Variants in FSIP2 observed in about 807,000 individuals in gnomAD.
FSIP2 encodes the protein fibrous sheath-interacting protein 2.
FSIP2 carries 367 observed loss-of-function variants against 510.5 expected under a neutral mutation model. The observed-to-expected ratio is 0.72, with a 90% CI of 0.66 to 0.78. FSIP2 has a LOEUF of 0.78. Ranked by LOEUF, FSIP2 falls within the 30% of genes least tolerant of loss-of-function variation. The pLI is 0.00. For synonymous variants in FSIP2, 2,601 were observed against 2,732.2 expected (o/e 0.95, Z 1.50); for missense variants, 7,594 against 7,901.7 (o/e 0.96, Z 1.48).
chr2:185,807,826 C>A lies in FSIP2; in HGVS notation c.18520C>A (p.Leu6174Met), dbSNP rs1693623737. The change falls in exon 17 of 23, where the codon CTG (leucine) becomes ATG (methionine). Residue 6174 changes from leucine (L) to methionine (M), a missense_variant. By Grantham distance (15) the Leu-to-Met change is conservative. Coordinates refer to ENST00000424728, the MANE Select transcript of FSIP2 (RefSeq NM_173651.4). ...ACCTAAACCTTCACATGCTGATAAG[C>A]TGTCTTATAACATAATAGAAGAAAT... ...PLPKPSHADKLSYNIIEEIAV... is the reference protein window; with the variant it reads ...PLPKPSHADKMSYNIIEEIAV... 1.2e-6 allele frequency: 2 copies of A among 1,612,296 alleles called. No individual in the cohort carries two copies. The highest frequency in any genetic ancestry group is 2.7e-5 in the African/African-American group (2 of 74,818).
Position 185,804,313 on chromosome 2 carries a change from G to T in FSIP2, c.15007G>T (p.Val5003Phe). The T allele has an allele frequency of 6.6e-7, 1 of 1,512,672 alleles. No homozygotes were observed. Among genetic ancestry groups the T allele is most frequent in the Non-Finnish European group, 8.8e-7 (1 of 1,138,194 alleles). The allele number at this position is 1,512,672 out of a possible 1,614,324, so 93.7% of individuals were successfully genotyped here. Residue 5003 changes from valine (V) to phenylalanine (F), a missense_variant, in exon 17 of 23, where the codon GTT (valine) becomes TTT (phenylalanine). Coordinates refer to ENST00000424728, the MANE Select transcript of FSIP2 (RefSeq NM_173651.4). ...GGAGTTCACCACATCAGAGATTTTA[G>T]TTGCAGATAACTTTGATAAAAATTT... ...VLEFTTSEIL[V>F]ADNFDKNLCF...
intron 6 of FSIP2, 87 bp downstream of exon 6, chr2:185,746,897 C>A (rs1386901413): frequency 6.6e-6 from 6 of 910,622 alleles, no homozygotes; most frequent in Non-Finnish European, 7.8e-6. Flanking sequence ...CATTGTGCTG[C>A]TTGAAGTCAT....
At chr2:185,811,415 G>T (rs982402153) in intron 17 of FSIP2, among the ~76,000 whole-genome samples, 1 of 148,784 alleles carries the variant, frequency 6.7e-6, no homozygotes, top group Non-Finnish European at 1.5e-5. Context: ...GTTGCAGTGA[G>T]CCAAGATCAT....
chr2:185,743,838 T>G (rs1691973336), intron 3 of FSIP2, among the ~76,000 whole-genome samples: 1 of 152,132 alleles, frequency 6.6e-6, no homozygotes, highest in Non-Finnish European at 1.5e-5. Context: ...TAAAGTAATA[T>G]GTATATATTT....
At chr2:185,814,546 T>C (rs988962442) in intron 18 of FSIP2, among the ~76,000 whole-genome samples, 1 of 152,050 alleles carries the variant, frequency 6.6e-6, no homozygotes, top group African/African-American at 2.4e-5. Flanking sequence ...AGTTAATTCA[T>C]ATATTTTAAA....
chr2:185,755,774 A>G (rs530342876), intron 8 of FSIP2, among the ~76,000 whole-genome samples: 1 of 151,600 alleles, frequency 6.6e-6, no homozygotes, highest in East Asian at 1.9e-4. Flanking sequence ...CAAAACTACA[A>G]TTACATTTAT....
At chr2:185,820,404 T>G (rs1693893632) in intron 19 of FSIP2, among the ~76,000 whole-genome samples, 1 of 151,876 alleles carries the variant, frequency 6.6e-6, no homozygotes, top group Admixed American at 6.6e-5. Context: ...CAGGCAGACC[T>G]TTATAGCAGC....
intron 17 of FSIP2, among the ~76,000 whole-genome samples, chr2:185,812,261 A>AC (rs1487568866): frequency 6.6e-6 from 1 of 152,110 alleles, no homozygotes; most frequent in East Asian, 1.9e-4. Context: ...TGTGGGACAT[A>AC]CAGTCTAAGG....
chr2:185,783,589 G>C (rs969967867), intron 14 of FSIP2: 10 of 152,082 alleles, frequency 6.6e-5, no homozygotes, highest in African/African-American at 2.4e-4. Context: ...ATATCAGTTT[G>C]TTTGACTTAT....
chr2:185,827,534 T>A (rs1203489984), intron 20 of FSIP2, among the ~76,000 whole-genome samples: 2 of 151,824 alleles, frequency 1.3e-5, no homozygotes, highest in Non-Finnish European at 2.9e-5. Flanking sequence ...TCCCTTGCAG[T>A]GGGTTCTTGT....
At chr2:185,755,904 C>T (rs1326666738) in intron 8 of FSIP2, among the ~76,000 whole-genome samples, 1 of 151,450 alleles carries the variant, frequency 6.6e-6, no homozygotes, top group Non-Finnish European at 1.5e-5. Context: ...TGTTATGCAC[C>T]CAGATGGAAA....
At position 185,796,906 on chromosome 2, in the gene FSIP2, C is replaced by T. The variant is rs746533024; in HGVS notation, c.9770C>T (p.Thr3257Ile). 80 of 1,534,738 alleles carry T rather than the reference C, an allele frequency of 5.2e-5. No homozygotes were observed. The highest frequency in any genetic ancestry group is 6.7e-5 in the Non-Finnish European group (77 of 1,146,204). The change falls in exon 16 of 23, where the codon ACC becomes ATC. Residue 3257 changes from threonine to isoleucine, a missense_variant. Coordinates refer to ENST00000424728, the MANE Select transcript of FSIP2 (RefSeq NM_173651.4). ...RESNFGSFDQ[T>I]MKGNSYLPEG... ...TCTAACTTTGGTAGTTTTGATCAGA[C>T]CATGAAAGGAAATAGCTACCTCCCT... is the stretch of plus-strand genomic sequence containing the variant.
intron 14 of FSIP2, chr2:185,783,872 G>C (rs1692907572): frequency 6.6e-6 from 1 of 152,062 alleles, no homozygotes; most frequent in South Asian, 2.1e-4. Flanking sequence ...AAAATCACTT[G>C]AATCTTTCAT....
At chr2:185,758,604 G>GT in intron 9 of FSIP2, among the ~76,000 whole-genome samples, 1 of 151,174 alleles carries the variant, frequency 6.6e-6, no homozygotes, top group Non-Finnish European at 1.5e-5. Context: ...TCTTCATGTT[G>GT]TAACACCTCT....
intron 20 of FSIP2, among the ~76,000 whole-genome samples, chr2:185,825,576 A>G (rs896228113): frequency 2.6e-5 from 4 of 151,860 alleles, no homozygotes; most frequent in African/African-American, 9.7e-5. Flanking sequence ...GTGACTCTAC[A>G]TAAAAACAAA....
intron 13 of FSIP2, among the ~76,000 whole-genome samples, chr2:185,772,984 C>T (rs560632597): frequency 6.6e-6 from 1 of 152,190 alleles, no homozygotes; most frequent in South Asian, 2.1e-4. Flanking sequence ...CCTCAGCTTC[C>T]CAAATAGCTG....
At chr2:185,774,593 T>TA (rs2105581461) in intron 13 of FSIP2, among the ~76,000 whole-genome samples, 1 of 142,068 alleles carries the variant, frequency 7.0e-6, no homozygotes, top group African/African-American at 2.6e-5. Context: ...TTTTTTTTTT[T>TA]ACTATACTTT....
At position 185,803,823 on chromosome 2, in the gene FSIP2, A is replaced by G; in HGVS notation, c.14517A>G (p.Lys4839=). Residue 4839 remains lysine, a synonymous_variant, in exon 17 of 23, where the codon AAA becomes AAG. Transcript: ENST00000424728. The part of the protein sequence containing the change: ...LINEIMSIIS[K]HEICIIKYGN... ...ATGAAATTATGTCAATAATTTCAAAACATGAAATATGTATTATTAAATATG... is the reference window on the plus strand; with the variant it reads ...ATGAAATTATGTCAATAATTTCAAAGCATGAAATATGTATTATTAAATATG... 3 of 1,503,300 alleles carry G rather than the reference A, an allele frequency of 2.0e-6. No homozygotes were observed. The highest frequency in any genetic ancestry group is 2.7e-6 in the Non-Finnish European group (3 of 1,125,874). 93.1% of individuals were successfully genotyped at this position (1,503,300 alleles called of 1,614,324 possible).
intron 14 of FSIP2, among the ~76,000 whole-genome samples, chr2:185,785,299 TCTAAGGGTAGA>T (rs1012809220): frequency 6.6e-6 from 1 of 152,054 alleles, no homozygotes; most frequent in Non-Finnish European, 1.5e-5. Flanking sequence ...AAGGTACAAA[TCTAAGGGTAGA>T]CTATTGTCAT....
Sources: allele counts gnomAD v4.1 joint callset (sites outside exome capture counted in the v4.1 genomes callset), GRCh38; gene constraint gnomAD v4.1.1; transcripts MANE v1.5; gene names NCBI Gene and HGNC (gene_info 2026-07-23, HGNC 2026-07-21).